SPG7: variants seen among roughly 807,000 people sequenced by gnomAD.
SPG7 encodes mitochondrial inner membrane m-AAA protease component paraplegin.
In SPG7, 103 loss-of-function variants were observed where a neutral mutation model predicts 81.9. The ratio of observed to expected loss-of-function variants is 1.26; its 90% confidence interval spans 1.07 to 1.48. The LOEUF is 1.48. Ranked by LOEUF, SPG7 falls within the 40% of genes most tolerant of loss-of-function variation. The pLI, the probability that SPG7 is intolerant of heterozygous loss-of-function variation, is 0.00. For synonymous variants in SPG7, 534 were observed against 444.2 expected (o/e 1.20, Z -2.54); for missense variants, 1,241 against 1,087.3 (o/e 1.14, Z -1.99).
intron 1 of SPG7, chr16:89,508,841 C>T: frequency 4.4e-6 from 3 of 676,362 alleles, no homozygotes; most frequent in Admixed American, 4.1e-5. Flanking sequence ...CGTGGACTTT[C>T]CCAACCCGTC....
At chr16:89,531,817 C>T (rs1374718360) in intron 7 of SPG7, 87 bp from the exon 8 acceptor site, 2 of 1,403,378 alleles carry the variant, frequency 1.4e-6, no homozygotes, top group African/African-American at 1.4e-5. Flanking sequence ...GCACTCCAGC[C>T]TGCGTGACCC....
intron 3 of SPG7, among the ~76,000 whole-genome samples, chr16:89,513,842 A>G (rs2058054804): frequency 6.6e-6 from 1 of 152,216 alleles, no homozygotes; most frequent in African/African-American, 2.4e-5. Context: ...GAACTGTCAT[A>G]AGGACTTTTT....
intron 12 of SPG7, chr16:89,549,955 G>C (rs943293757): frequency 9.6e-6 from 2 of 209,110 alleles, no homozygotes; most frequent in African/African-American, 2.3e-5. Flanking sequence ...AAAGCAGCAG[G>C]AGCTATTTCG....
At position 89,554,461 on chromosome 16, in the gene SPG7, CT is replaced by C. The variant is rs374488085; in HGVS notation, c.2104-24del. 6.5e-4 allele frequency: 1,027 copies of C among 1,578,164 alleles called. 6 individuals are homozygous for C. The African/African-American group carries it at 0.012, about 19-fold the overall frequency. On this transcript the variant is annotated intron_variant, in intron 15 of 16. Coordinates refer to ENST00000645818, the MANE Select transcript of SPG7 (RefSeq NM_003119.4). ...TGGAGCCAGGCGGCCAGCCTTGCCC[CT>C]GACACAGTTCCCTCCACTCACAGGA... is the stretch of plus-strand genomic sequence containing the variant.
rs1051054014 is a variant in SPG7 at position 89,537,232 on chromosome 16, A to C, written c.1324+4596A>C. The C allele has an allele frequency of 8.5e-6, 12 of 1,419,766 alleles. No homozygotes were observed. In the African/African-American group the frequency reaches 1.2e-4, roughly 14 times the overall value. 87.9% of individuals were successfully genotyped at this position (1,419,766 alleles called of 1,614,324 possible). A position where few individuals can be genotyped will look rare whatever the true frequency, so the allele number is the denominator to read the frequency against. Reference sequence around the variant, plus strand: ...ATCTCACTGGGGAAGAGAAAAGCCCAAGCCTTGTTGGTTACGTCAGCCGGT... The same window carrying C: ...ATCTCACTGGGGAAGAGAAAAGCCCCAGCCTTGTTGGTTACGTCAGCCGGT... On this transcript the variant is annotated intron_variant, in intron 9 of 16. Transcript: ENST00000645818.
At chr16:89,550,217 G>T (rs2058618643) in intron 12 of SPG7, 17 of 398,114 alleles carry the variant, frequency 4.3e-5, no homozygotes, top group South Asian at 3.5e-4. Context: ...CTGTCGCCCA[G>T]CCTGGAGTGC....
Position 89,530,020 on chromosome 16 carries a change from G to A in SPG7, c.861+441G>A, listed in dbSNP as rs553255611. The A allele has an allele frequency of 6.9e-4, 210 of 304,222 alleles. 4 individuals are homozygous for A. Among genetic ancestry groups the A allele is most frequent in the South Asian group, 5.4e-3 (178 of 33,164 alleles). 18.8% of individuals were successfully genotyped at this position (304,222 alleles called of 1,614,324 possible). A position where few individuals can be genotyped will look rare whatever the true frequency, so the allele number is the denominator to read the frequency against. ...ACGTCCAGCTAATTTTGTATTTTTG[G>A]TAGAGACGGGGTTTCTCCATGTTGT... is the stretch of plus-strand genomic sequence containing the variant. On this transcript the variant is annotated intron_variant, in intron 6 of 16. Coordinates refer to ENST00000645818, the MANE Select transcript of SPG7 (RefSeq NM_003119.4).
intron 9 of SPG7, chr16:89,544,340 A>G (rs996979884): frequency 2.1e-5 from 8 of 389,422 alleles, no homozygotes; most frequent in Non-Finnish European, 3.5e-5. Flanking sequence ...GGTGGCTGTT[A>G]GGACCGGCTC....
chr16:89,532,275 G>A (rs988085210), intron 8 of SPG7, among the ~76,000 whole-genome samples, 188 bp from the exon 9 acceptor site: 2 of 152,250 alleles, frequency 1.3e-5, no homozygotes, highest in African/African-American at 4.8e-5. Flanking sequence ...TGGGGGGCCA[G>A]CACGGTGCGT....
At chr16:89,525,886 C>G (rs2058253577) in intron 4 of SPG7, among the ~76,000 whole-genome samples, 1 of 152,166 alleles carries the variant, frequency 6.6e-6, no homozygotes, top group South Asian at 2.1e-4. Flanking sequence ...GTAGCTGAGT[C>G]TGAGGCACAC....
intron 3 of SPG7, chr16:89,518,510 G>A (rs1368552540): frequency 6.6e-6 from 1 of 150,632 alleles, no homozygotes; most frequent in South Asian, 2.1e-4. Flanking sequence ...CTGCTCACTG[G>A]TAAGGCGGGT....
rs2292954 is a variant in SPG7 at position 89,546,715 on chromosome 16, A to G, written c.1507A>G (p.Thr503Ala). The G allele has an allele frequency of 0.17, 281,308 of 1,612,768 alleles. 26,332 individuals carry two copies. The highest frequency in any genetic ancestry group is 0.19 in the Non-Finnish European group (228,853 of 1,178,912). The change falls in exon 11 of 17, where the codon ACC becomes GCC. Residue 503 changes from threonine to alanine, a missense_variant. By Grantham distance (58) the Thr-to-Ala change is moderately conservative. Coordinates refer to ENST00000645818, the MANE Select transcript of SPG7 (RefSeq NM_003119.4). Reference protein sequence around the residue: ...LKSLKLTQSSTFYSQRLAELT... With the variant: ...LKSLKLTQSSAFYSQRLAELT... Reference sequence around the variant, plus strand: ...GAGCCTGAAGCTGACCCAGTCCAGCACCTTTTACTCCCAGCGTCTGGCAGA... The same window carrying G: ...GAGCCTGAAGCTGACCCAGTCCAGCGCCTTTTACTCCCAGCGTCTGGCAGA...
At chr16:89,519,505 C>G (rs1481368493) in intron 3 of SPG7, 1 of 151,776 alleles carries the variant, frequency 6.6e-6, no homozygotes, top group Non-Finnish European at 1.5e-5. Context: ...CTTAGCTTCC[C>G]GAGTAGCTGG....
intron 9 of SPG7, chr16:89,543,351 T>TC (rs1367913957): frequency 6.9e-6 from 1 of 145,544 alleles, no homozygotes; most frequent in East Asian, 2.0e-4. Flanking sequence ...CTTTTCCTTT[T>TC]TTTTTTTTTT....
chr16:89,517,879 A>T (rs2058124903), intron 3 of SPG7: 1 of 152,236 alleles, frequency 6.6e-6, no homozygotes, highest in African/African-American at 2.4e-5. Context: ...TCGGCCTCCC[A>T]AAGTGCTGGG....
Position 89,541,302 on chromosome 16 carries a change from G to A in SPG7, c.1325-3346G>A, listed in dbSNP as rs59633710. 1.7e-5 allele frequency: 17 copies of A among 985,442 alleles called. No individual in the cohort carries two copies. The African/African-American group carries it at 2.4e-4, about 14-fold the overall frequency. 61.0% of individuals were successfully genotyped at this position (985,442 alleles called of 1,614,324 possible). On this transcript the variant is annotated intron_variant, in intron 9 of 16. Transcript: ENST00000645818. ...CCTTATCATGGTGTTCTATGCAGCA[G>A]TAGAAGGAAACTTTCTTCCTGCAGC...
intron 9 of SPG7, chr16:89,538,987 A>C (rs1292494857): frequency 6.8e-6 from 1 of 147,522 alleles, no homozygotes; most frequent in Non-Finnish European, 1.5e-5. Flanking sequence ...AAACCCAGGC[A>C]GGAGCTAAGG....
chr16:89,515,860 AC>A lies in SPG7; in HGVS notation c.376+2825del. Among the ~76,000 whole-genome samples the A allele has an allele frequency of 2.0e-5, 3 of 151,918 alleles. No homozygotes were observed. In the Middle Eastern group the frequency reaches 0.01, roughly 517 times the overall value. The stretch of plus-strand genomic sequence containing the variant: ...GTAGCTGGGACTACAGGCGTGCGCC[AC>A]CACGCCCAGCTAATTTTTTGTATTT... On this transcript the variant is annotated intron_variant, in intron 3 of 16. Transcript: ENST00000645818.
At chr16:89,509,016 C>T (rs1430616344) in intron 1 of SPG7, 1 of 461,308 alleles carries the variant, frequency 2.2e-6, no homozygotes, top group Non-Finnish European at 4.3e-6. Flanking sequence ...GTAGGGGGCC[C>T]AGAACGTTTC....
Sources: gnomAD v4.1 joint callset for allele counts (sites outside exome capture counted in the v4.1 genomes callset) on GRCh38, gnomAD v4.1.1 for gene constraint, MANE v1.5 for transcripts, NCBI Gene and HGNC (gene_info 2026-07-23, HGNC 2026-07-21) for gene names.